CXCL13: variants seen among roughly 807,000 people sequenced by gnomAD.
The protein encoded by CXCL13 is C-X-C motif chemokine ligand 13.
A neutral mutation model predicts 12.2 loss-of-function variants in CXCL13; 7 were observed. The ratio of observed to expected loss-of-function variants is 0.57; its 90% CI spans 0.33 to 1.07. The LOEUF is 1.07. Ranked by LOEUF, CXCL13 falls within the 50% of genes least tolerant of loss-of-function variation. The pLI, the probability that CXCL13 is intolerant of heterozygous loss-of-function variation, is 0.04. For missense variants in CXCL13, 113 were observed against 127.4 expected (o/e 0.89, Z 0.55); for synonymous variants, 47 against 42.4 (o/e 1.11, Z -0.42).
chr4:77,573,720 A>T lies in CXCL13; in HGVS notation c.-42-32104A>T, dbSNP rs191173587. 3.9e-5 allele frequency among the ~76,000 whole-genome samples: 6 copies of T among 152,116 alleles called. No homozygotes were observed. The East Asian group carries it at 1.2e-3, about 29-fold the overall frequency. ...CACTCACTTCATGCTATAGCTCAGT[A>T]GCTAAGGCTTTGCTTTTTCATGATG... On this transcript the variant is annotated intron_variant, in intron 1 of 4. Coordinates refer to the CXCL13 transcript ENST00000286758.
At chr4:77,560,527 CT>C (rs1560526307) in intron 1 of CXCL13, among the ~76,000 whole-genome samples, 1 of 152,208 alleles carries the variant, frequency 6.6e-6, no homozygotes, top group Non-Finnish European at 1.5e-5. Flanking sequence ...TACATTCCCA[CT>C]GTGTTCAAAC....
intron 1 of CXCL13, among the ~76,000 whole-genome samples, chr4:77,532,702 T>A (rs1724959555): frequency 6.6e-6 from 1 of 152,236 alleles, no homozygotes; most frequent in Admixed American, 6.5e-5. Context: ...GTAGATTTGA[T>A]CTTTTCACGT....
chr4:77,542,102 C>T (rs558554788), intron 1 of CXCL13, among the ~76,000 whole-genome samples: 3 of 151,944 alleles, frequency 2.0e-5, no homozygotes, highest in Non-Finnish European at 4.4e-5. Context: ...GCTCCAGGAG[C>T]CTTTTGAAGG....
chr4:77,513,694 C>T (rs545681561), intron 1 of CXCL13, among the ~76,000 whole-genome samples: 1 of 152,080 alleles, frequency 6.6e-6, no homozygotes, highest in African/African-American at 2.4e-5. Flanking sequence ...CCTTGTGATC[C>T]ACCCAACTCA....
At chr4:77,526,964 C>T (rs530016101) in intron 1 of CXCL13, among the ~76,000 whole-genome samples, 16 of 152,254 alleles carry the variant, frequency 1.1e-4, no homozygotes, top group Non-Finnish European at 2.2e-4. Flanking sequence ...GGGGCTGGAA[C>T]ATGGTAGGCA....
upstream of CXCL13, among the ~76,000 whole-genome samples, chr4:77,604,190 G>A (rs889811936): frequency 3.9e-5 from 6 of 152,264 alleles, no homozygotes; most frequent in African/African-American, 1.4e-4. Flanking sequence ...GCTAAGGACC[G>A]AGCACGGTTG....
chr4:77,534,271 T>C (rs1294499705), intron 1 of CXCL13, among the ~76,000 whole-genome samples: 2 of 151,790 alleles, frequency 1.3e-5, no homozygotes, highest in Admixed American at 1.3e-4. Flanking sequence ...ATGAACACTA[T>C]GTTCACACAA....
chr4:77,574,077 G>T (rs1303411989), intron 1 of CXCL13, among the ~76,000 whole-genome samples: 2 of 151,962 alleles, frequency 1.3e-5, no homozygotes, highest in Non-Finnish European at 2.9e-5. Flanking sequence ...GGTAATTAGA[G>T]ATATAAAAGG....
intron 1 of CXCL13, among the ~76,000 whole-genome samples, chr4:77,575,743 C>T (rs187596428): frequency 6.6e-6 from 1 of 151,856 alleles, no homozygotes; most frequent in East Asian, 1.9e-4. Flanking sequence ...TTTAATGCTA[C>T]AGAGGGCCCC....
chr4:77,528,619 G>T (rs1240119411), intron 1 of CXCL13, among the ~76,000 whole-genome samples: 1 of 152,104 alleles, frequency 6.6e-6, no homozygotes, highest in African/African-American at 2.4e-5. Context: ...ACTTTTTGAT[G>T]GGCCTGTTTG....
At chr4:77,559,920 A>C (rs1725764143) in intron 1 of CXCL13, among the ~76,000 whole-genome samples, 2 of 125,138 alleles carry the variant, frequency 1.6e-5, no homozygotes, top group African/African-American at 3.5e-5. Flanking sequence ...AGACTCCATC[A>C]CAAAAAAAAA....
intron 1 of CXCL13, among the ~76,000 whole-genome samples, chr4:77,517,326 C>T (rs1724449013): frequency 6.6e-6 from 1 of 152,162 alleles, no homozygotes; most frequent in African/African-American, 2.4e-5. Context: ...GTTAGGTCCA[C>T]TTGGTGCAGA....
intron 1 of CXCL13, among the ~76,000 whole-genome samples, chr4:77,565,175 A>G (rs759977959): frequency 3.9e-5 from 6 of 152,164 alleles, no homozygotes; most frequent in African/African-American, 7.2e-5. Context: ...TCATCTGAAT[A>G]TAGGGATTAT....
At chr4:77,602,312 C>T (rs996982886), upstream of CXCL13, among the ~76,000 whole-genome samples, 1 of 152,134 alleles carries the variant, frequency 6.6e-6, no homozygotes, top group Non-Finnish European at 1.5e-5. Context: ...GTGTCCTGTC[C>T]ACTTTTACTA....
Position 77,565,658 on chromosome 4 carries a change from T to C in CXCL13, c.-42-40166T>C, listed in dbSNP as rs145349067. ...AGCAACCAACAATTATTTGAATATCTATCAAGTGTAAAACAGGGTGATCCT... is the reference window on the plus strand; with the variant it reads ...AGCAACCAACAATTATTTGAATATCCATCAAGTGTAAAACAGGGTGATCCT... On this transcript the variant is annotated intron_variant, in intron 1 of 4. Coordinates refer to the CXCL13 transcript ENST00000286758. Among the ~76,000 whole-genome samples the C allele has an allele frequency of 4.1e-4, 62 of 152,330 alleles. No individual in the cohort carries two copies. In the East Asian group the frequency reaches 8.5e-3, roughly 21 times the overall value.
chr4:77,573,990 T>C (rs1242465881), intron 1 of CXCL13, among the ~76,000 whole-genome samples: 1 of 151,946 alleles, frequency 6.6e-6, no homozygotes, highest in Non-Finnish European at 1.5e-5. Context: ...TGGCTTCAAT[T>C]AGAAAAATAT....
intron 2 of CXCL13, among the ~76,000 whole-genome samples, chr4:77,609,668 T>C (rs1309640979): frequency 6.6e-6 from 1 of 152,198 alleles, no homozygotes; most frequent in Non-Finnish European, 1.5e-5. Flanking sequence ...TTGTTTGAGT[T>C]CACACCAATA....
At chr4:77,581,475 C>T (rs1726332576) in intron 1 of CXCL13, among the ~76,000 whole-genome samples, 1 of 152,162 alleles carries the variant, frequency 6.6e-6, no homozygotes, top group African/African-American at 2.4e-5. Context: ...TATATTCCTG[C>T]ATGGGGAGAA....
At chr4:77,530,709 T>C (rs1724890715) in intron 1 of CXCL13, among the ~76,000 whole-genome samples, 1 of 152,178 alleles carries the variant, frequency 6.6e-6, no homozygotes, top group African/African-American at 2.4e-5. Flanking sequence ...GTTTTGTTGA[T>C]CTTTTCAAAA....
Sources: allele counts gnomAD v4.1 joint callset (sites outside exome capture counted in the v4.1 genomes callset), GRCh38; gene constraint gnomAD v4.1.1; transcripts MANE v1.5; gene names NCBI Gene and HGNC (gene_info 2026-07-23, HGNC 2026-07-21).